DARS2: variants seen among roughly 807,000 people sequenced by gnomAD.
DARS2 encodes the protein aspartyl-tRNA synthetase 2, mitochondrial, also known as aspartate--tRNA ligase, mitochondrial.
In DARS2, 63 loss-of-function variants were observed where a neutral mutation model predicts 83.0. The observed-to-expected ratio is 0.76, with a 90% CI of 0.62 to 0.94. DARS2 has a LOEUF of 0.94. Among genes scored for constraint, DARS2 ranks in the 40% least tolerant of loss-of-function variants. The probability of loss-of-function intolerance (pLI) is 0.00; values close to 1 mark genes in which losing one functional copy is unlikely to be tolerated. For missense variants in DARS2, 675 were observed against 774.4 expected (o/e 0.87, Z 1.52); for synonymous variants, 250 against 269.3 (o/e 0.93, Z 0.70).
intron 7 of DARS2, among the ~76,000 whole-genome samples, chr1:173,834,788 T>TTG (rs1652941913): frequency 7.3e-6 from 1 of 136,396 alleles, no homozygotes; most frequent in South Asian, 2.3e-4. Flanking sequence ...TTTTGTTTTT[T>TTG]TTTTTTTTTT....
chr1:173,848,992 T>C (rs1368980873), intron 12 of DARS2, among the ~76,000 whole-genome samples: 2 of 152,122 alleles, frequency 1.3e-5, no homozygotes, highest in African/African-American at 2.4e-5. Context: ...TTTCTTCAAC[T>C]CTTCTGTTGA....
At chr1:173,841,060 G>A in intron 11 of DARS2, 87 bp downstream of exon 11, 1 of 885,056 alleles carries the variant, frequency 1.1e-6, no homozygotes, top group South Asian at 1.3e-5. Context: ...ACTTCAGAAA[G>A]AACAATTCTT....
At position 173,826,708 on chromosome 1, in the gene DARS2, G is replaced by T. The variant is rs150167473; in HGVS notation, c.149G>T (p.Arg50Leu). 6.2e-7 allele frequency: 1 copy of T among 1,607,260 alleles called. No individual in the cohort carries two copies. The highest frequency in any genetic ancestry group is 1.4e-5 in the African/African-American group (1 of 73,016). The change falls in exon 2 of 17, where the codon CGG becomes CTG. Residue 50 changes from arginine (R) to leucine (L), a missense_variant. By Grantham distance (102) the Arg-to-Leu change is moderately radical. Transcript: ENST00000649689. Reference sequence around the variant, plus strand: ...AAAGAATTCAGTAGCTTTGTTGTCCGGACCAACACATGTGGAGAGTTGCGT... The same window carrying T: ...AAAGAATTCAGTAGCTTTGTTGTCCTGACCAACACATGTGGAGAGTTGCGT... ...RIPEFSSFVVRTNTCGELRSS... is the reference protein window; with the variant it reads ...RIPEFSSFVVLTNTCGELRSS...
At position 173,825,528 on chromosome 1, in the gene DARS2, G is replaced by T. The variant is rs34756615; in HGVS notation, c.127+172G>T. On this transcript the variant is annotated intron_variant, in intron 1 of 16. Transcript: ENST00000649689. ...CTGCTGCCCAGGCTAGAGTGAAGTGGCGCGATCTCCGCTCACTGCAAGCTC... is the reference window on the plus strand; with the variant it reads ...CTGCTGCCCAGGCTAGAGTGAAGTGTCGCGATCTCCGCTCACTGCAAGCTC... Among the ~76,000 whole-genome samples the T allele has an allele frequency of 5.4e-3, 816 of 151,234 alleles. 4 individuals carry two copies. Among genetic ancestry groups the T allele is most frequent in the Non-Finnish European group, 8.2e-3 (557 of 67,894 alleles).
In DARS2 at chr1:173,826,719, T is replaced by C. The variant is rs761838412; in HGVS notation, c.160T>C (p.Cys54Arg). 6.8e-6 allele frequency: 11 copies of C among 1,611,952 alleles called. No homozygotes were observed. In the South Asian group the frequency reaches 8.8e-5, roughly 13 times the overall value. ...FSSFVVRTNT[C>R]GELRSSHLGQ... is the part of the protein sequence containing the mutation. ...TAGCTTTGTTGTCCGGACCAACACA[T>C]GTGGAGAGTTGCGTTCGTCTCACTT... Residue 54 changes from cysteine to arginine, a missense_variant, in exon 2 of 17, where the codon TGT (cysteine) becomes CGT (arginine). Coordinates refer to ENST00000649689, the MANE Select transcript of DARS2 (RefSeq NM_018122.5).
intron 7 of DARS2, among the ~76,000 whole-genome samples, chr1:173,835,917 C>T (rs1652985961): frequency 6.6e-6 from 1 of 151,892 alleles, no homozygotes; most frequent in East Asian, 1.9e-4. Context: ...ATTAGCTGGG[C>T]ATGGTGGCAG....
At chr1:173,841,029 G>A in intron 11 of DARS2, 56 bp downstream of exon 11, 2 of 1,011,884 alleles carry the variant, frequency 2.0e-6, no homozygotes, top group Non-Finnish European at 3.2e-6. Flanking sequence ...AAGTAACTTT[G>A]TCCAATACTG....
At chr1:173,829,354 T>C (rs1444129549) in intron 3 of DARS2, among the ~76,000 whole-genome samples, 1 of 152,166 alleles carries the variant, frequency 6.6e-6, no homozygotes, top group Non-Finnish European at 1.5e-5. Context: ...AGCTTTTTAC[T>C]ATATCTTTTT....
chr1:173,828,365 A>G lies in DARS2; in HGVS notation c.260A>G (p.Asp87Gly), dbSNP rs149598381. 1.1e-4 allele frequency: 167 copies of G among 1,482,724 alleles called. No individual in the cohort carries two copies. The East Asian group carries it at 1.6e-3, about 14-fold the overall frequency. 91.8% of individuals were successfully genotyped at this position (1,482,724 alleles called of 1,614,324 possible). Residue 87 changes from aspartate to glycine, a missense_variant, in exon 3 of 17, where the codon GAT (aspartate) becomes GGT (glycine). Physicochemically the swap from Asp to Gly is moderately conservative, Grantham distance 94 (BLOSUM62 -1). Coordinates refer to ENST00000649689, the MANE Select transcript of DARS2 (RefSeq NM_018122.5). Reference sequence around the variant, plus strand: ...ACATTCTTGGTCCTAAGAGATTTCGATGGGCTTGTTCAAGTTATCATTCCC... The same window carrying G: ...ACATTCTTGGTCCTAAGAGATTTCGGTGGGCTTGTTCAAGTTATCATTCCC... ...QNTFLVLRDF[D>G]GLVQVIIPQD...
chr1:173,856,629 A>G (rs1287427203), intron 15 of DARS2, 37 bp from the exon 16 acceptor site: 4 of 1,603,046 alleles, frequency 2.5e-6, no homozygotes, highest in Non-Finnish European at 3.4e-6. Context: ...GTGGACCTTC[A>G]AAATATATTT....
At chr1:173,845,352 TAACTA>T (rs1193192754) in intron 12 of DARS2, 61 bp downstream of exon 12, 8 of 1,034,362 alleles carry the variant, frequency 7.7e-6, no homozygotes, top group Non-Finnish European at 1.1e-5. Context: ...TAACTATTAT[TAACTA>T]AACTATCATT....
At chr1:173,834,413 A>G (rs557824321) in intron 6 of DARS2, 60 bp from the exon 7 acceptor site, 41 of 1,280,754 alleles carry the variant, frequency 3.2e-5, no homozygotes, top group Non-Finnish European at 3.4e-6. Flanking sequence ...TATTGTGGAC[A>G]TCATATATGA....
chr1:173,856,477 C>T (rs1487677512), intron 15 of DARS2, among the ~76,000 whole-genome samples, 189 bp from the exon 16 acceptor site: 1 of 152,178 alleles, frequency 6.6e-6, no homozygotes, highest in Non-Finnish European at 1.5e-5. Context: ...GTCTTTTTCC[C>T]TTACTAACCT....
At chr1:173,843,482 C>T (rs769220779) in intron 11 of DARS2, among the ~76,000 whole-genome samples, 3 of 152,164 alleles carry the variant, frequency 2.0e-5, no homozygotes, top group South Asian at 2.1e-4. Flanking sequence ...ATCGCTTGAA[C>T]CCCGGAGGCG....
At chr1:173,837,909 G>A (rs1301577711) in intron 8 of DARS2, among the ~76,000 whole-genome samples, 1 of 152,018 alleles carries the variant, frequency 6.6e-6, no homozygotes, top group Non-Finnish European at 1.5e-5. Context: ...GAGTAGCTGG[G>A]ATTACAGGCG....
In DARS2 at chr1:173,853,784, G is replaced by C; in HGVS notation, c.1564-11G>C. Reference sequence around the variant, plus strand: ...ATTTTCTCTAACATAAAGTATCTGTGAATCTTCTAGGCCCGTAGCCAACAC... The same window carrying C: ...ATTTTCTCTAACATAAAGTATCTGTCAATCTTCTAGGCCCGTAGCCAACAC... On this transcript the variant is annotated splice_polypyrimidine_tract_variant and intron_variant, in intron 14 of 16. Coordinates refer to ENST00000649689, the MANE Select transcript of DARS2 (RefSeq NM_018122.5). 6.2e-7 allele frequency: 1 copy of C among 1,610,490 alleles called. No homozygotes were observed. Among genetic ancestry groups the C allele is most frequent in the Non-Finnish European group, 8.5e-7 (1 of 1,176,796 alleles).
rs878897420 is a variant in DARS2, at chr1:173,837,093, A to G, written c.770+47A>G. 3 of 1,520,864 alleles carry G rather than the reference A, an allele frequency of 2.0e-6. No homozygotes were observed. In the Admixed American group the frequency reaches 5.0e-5, roughly 25 times the overall value. The allele number at this position is 1,520,864 out of a possible 1,614,324, so 94.2% of individuals were successfully genotyped here. On this transcript the variant is annotated intron_variant, in intron 8 of 16. Coordinates refer to ENST00000649689, the MANE Select transcript of DARS2 (RefSeq NM_018122.5). Reference sequence around the variant, plus strand: ...AGTTGTCAGAAAAGGAAAAGAGAAAAACAAAGGGAAAAAAGGAAACACAAA... The same window carrying G: ...AGTTGTCAGAAAAGGAAAAGAGAAAGACAAAGGGAAAAAAGGAAACACAAA...
At chr1:173,825,533 A>G (rs1652478901) in intron 1 of DARS2, among the ~76,000 whole-genome samples, 177 bp downstream of exon 1, 1 of 151,162 alleles carries the variant, frequency 6.6e-6, no homozygotes, top group African/African-American at 2.4e-5. Flanking sequence ...AAGTGGCGCG[A>G]TCTCCGCTCA....
At position 173,845,226 on chromosome 1, in the gene DARS2, C is replaced by A. The variant is rs1357110841; in HGVS notation, c.1129-3C>A. 6.3e-7 allele frequency: 1 copy of A among 1,587,608 alleles called. No homozygotes were observed. Among genetic ancestry groups the A allele is most frequent in the East Asian group, 2.2e-5 (1 of 44,658 alleles). ...AAGTTTACTTTGATTTTTCTTTCAT[C>A]AGAAATACTTAAAAAGGAAAGACAT... On this transcript the variant is annotated splice_polypyrimidine_tract_variant and splice_region_variant and intron_variant, in intron 11 of 16. Coordinates refer to ENST00000649689, the MANE Select transcript of DARS2 (RefSeq NM_018122.5).
Sources: allele counts gnomAD v4.1 joint callset (sites outside exome capture counted in the v4.1 genomes callset), GRCh38; gene constraint gnomAD v4.1.1; transcripts MANE v1.5; gene names NCBI Gene and HGNC (gene_info 2026-07-23, HGNC 2026-07-21).